The following ABCA10 variants were observed in gnomAD, a reference collection of about 807,000 sequenced individuals.
ABCA10 encodes ATP-binding cassette sub-family A member 10.
ABCA10 carries 169 observed loss-of-function variants against 187.5 expected under a neutral mutation model. The observed-to-expected ratio is 0.90, with a 90% CI of 0.80 to 1.02. The LOEUF is 1.02. ABCA10 is among the 50% of genes least tolerant of loss of function. The pLI, the probability that ABCA10 is intolerant of heterozygous loss-of-function variation, is 0.00. For missense variants in ABCA10, 1,727 were observed against 1,812.4 expected (o/e 0.95, Z 0.86); for synonymous variants, 574 against 601.8 (o/e 0.95, Z 0.68).
At chr17:69,243,534 A>T (rs2074919454) in intron 1 of ABCA10, among the ~76,000 whole-genome samples, 1 of 152,246 alleles carries the variant, frequency 6.6e-6, no homozygotes, top group East Asian at 1.9e-4. Flanking sequence ...TATGCAACAC[A>T]TTACTATATT....
Position 69,221,879 on chromosome 17 carries a change from C to T in ABCA10, c.216G>A (p.Met72Ile), listed in dbSNP as rs1411099160. The part of the protein sequence containing the change: ...HSEYTEHCWA[M>I]HGEIFCYLAK... Reference sequence around the variant, plus strand: ...CCAAGTAACAAAAAATTTCACCATGCATGGCCCAACAGTGTTCTTTAAGGA... The same window carrying T: ...CCAAGTAACAAAAAATTTCACCATGTATGGCCCAACAGTGTTCTTTAAGGA... Residue 72 changes from methionine to isoleucine, a missense_variant, in exon 5 of 39, where the codon ATG becomes ATA. Physicochemically the swap from Met to Ile is conservative, Grantham distance 10. Transcript: ENST00000690296. 1.2e-6 allele frequency: 2 copies of T among 1,612,690 alleles called. No homozygotes were observed.
At chr17:69,222,337 CAA>C (rs34320016) in intron 4 of ABCA10, among the ~76,000 whole-genome samples, 194 bp downstream of exon 4, 161 of 135,582 alleles carry the variant, frequency 1.2e-3, no homozygotes, top group Non-Finnish European at 1.3e-3. Context: ...GACTCCATCT[CAA>C]AAAAAAAAAA....
At chr17:69,150,133 A>C in intron 36 of ABCA10, 70 bp from the exon 37 acceptor site, 1 of 1,128,804 alleles carries the variant, frequency 8.9e-7, no homozygotes, top group Non-Finnish European at 1.3e-6. Flanking sequence ...ATTAATAGGC[A>C]AAGTAAAATA....
intron 6 of ABCA10, among the ~76,000 whole-genome samples, chr17:69,218,781 C>T (rs1375618901): frequency 2.0e-5 from 3 of 152,144 alleles, no homozygotes; most frequent in Non-Finnish European, 2.9e-5. Context: ...ATCCTGATAC[C>T]GTTTGATGAA....
chr17:69,197,035 G>A (rs113308682), intron 11 of ABCA10, 29 bp downstream of exon 11: 194 of 1,520,600 alleles, frequency 1.3e-4, no homozygotes, highest in Non-Finnish European at 1.6e-4. Flanking sequence ...AGAGGGAGAG[G>A]GAGAGGGAGA....
intron 9 of ABCA10, 73 bp from the exon 10 acceptor site, chr17:69,201,741 C>T (rs2074547323): frequency 2.5e-6 from 3 of 1,201,686 alleles, no homozygotes; most frequent in Non-Finnish European, 3.4e-6. Flanking sequence ...CTGTCCTTTA[C>T]TTGATATCAA....
At chr17:69,182,616 G>T in intron 21 of ABCA10, 59 bp downstream of exon 21, 1 of 1,502,662 alleles carries the variant, frequency 6.7e-7, no homozygotes, top group Non-Finnish European at 8.9e-7. Flanking sequence ...TAAGTATTAG[G>T]ACGTGGCAAA....
intron 11 of ABCA10, 101 bp downstream of exon 11, chr17:69,196,963 A>G: frequency 1.2e-6 from 1 of 821,026 alleles, no homozygotes; most frequent in Non-Finnish European, 1.8e-6. Flanking sequence ...AGATGGCGGC[A>G]CTACAGTCCA....
intron 18 of ABCA10, 138 bp from the exon 19 acceptor site, chr17:69,188,017 G>A (rs753263142): frequency 5.2e-5 from 39 of 747,898 alleles, no homozygotes; most frequent in Middle Eastern, 7.7e-4. Context: ...CAAAATTTAC[G>A]TTAAAAATCT....
chr17:69,205,610 C>A (rs1171351018), intron 9 of ABCA10, among the ~76,000 whole-genome samples: 1 of 152,186 alleles, frequency 6.6e-6, no homozygotes, highest in Non-Finnish European at 1.5e-5. Context: ...CTTGGCCAGT[C>A]ATGCAACTTC....
In ABCA10 at chr17:69,216,253, C is replaced by T; in HGVS notation, c.636G>A (p.Val212=). 6.2e-7 allele frequency: 1 copy of T among 1,613,536 alleles called. No individual in the cohort carries two copies. The highest frequency in any genetic ancestry group is 8.5e-7 in the Non-Finnish European group (1 of 1,179,762). Residue 212 remains valine, a synonymous_variant, in exon 7 of 39, where the codon GTG becomes GTA. Coordinates refer to ENST00000690296, the MANE Select transcript of ABCA10 (RefSeq NM_001377321.1). The part of the protein sequence containing the change: ...IPIVFHTGFM[V]IFTLYSLYGL... ...CATATAAGCTATAGAGTGTGAATAT[C>T]ACCATGAAGCCAGTATGAAATACAA...
intron 36 of ABCA10, 29 bp downstream of exon 36, chr17:69,152,014 T>C: frequency 3.8e-6 from 6 of 1,597,588 alleles, no homozygotes; most frequent in Non-Finnish European, 5.1e-6. Flanking sequence ...ACACTCATAC[T>C]TGTCACTCAA....
chr17:69,237,614 A>G (rs1042853506), intron 1 of ABCA10, among the ~76,000 whole-genome samples: 14 of 152,166 alleles, frequency 9.2e-5, no homozygotes, highest in African/African-American at 2.4e-4. Flanking sequence ...TTTATTTCCT[A>G]TCTTGACTGC....
At chr17:69,197,173 AAC>A (rs1440807257) in intron 10 of ABCA10, 51 bp from the exon 11 acceptor site, 3 of 1,384,386 alleles carry the variant, frequency 2.2e-6, no homozygotes, top group Middle Eastern at 1.8e-4. Context: ...TAGTATTAAT[AAC>A]ACAGATTACA....
chr17:69,210,917 A>G (rs953167465), intron 9 of ABCA10, among the ~76,000 whole-genome samples: 4 of 148,492 alleles, frequency 2.7e-5, no homozygotes, highest in African/African-American at 1.0e-4. Flanking sequence ...GGCTGGTCCC[A>G]TATTTTTGCA....
intron 10 of ABCA10, among the ~76,000 whole-genome samples, chr17:69,199,725 A>G (rs1300467566): frequency 1.3e-5 from 2 of 152,250 alleles, no homozygotes; most frequent in Non-Finnish European, 2.9e-5. Flanking sequence ...ATTAATATGG[A>G]TCAAACTCAT....
chr17:69,214,988 C>CA, intron 8 of ABCA10, 137 bp from the exon 9 acceptor site: 4 of 545,060 alleles, frequency 7.3e-6, no homozygotes, highest in African/African-American at 2.0e-5. Context: ...AGTAAATGTG[C>CA]TATTAGTATT....
chr17:69,153,954 T>C lies in ABCA10; in HGVS notation c.3842A>G (p.Lys1281Arg), dbSNP rs757521279. The change falls in exon 32 of 39, where the codon AAG (lysine) becomes AGG (arginine). Residue 1281 changes from lysine to arginine, a missense_variant. Lys to Arg is a conservative substitution (Grantham distance 26, BLOSUM62 2). Transcript: ENST00000690296. ...SVRQQHDNSL[K>R]FLGYCPQENS... ...CTCCTGAGGGCAGTACCCCAAGAAC[T>C]TGAGGCTGTTGTCATGCTGTTGCCT... The C allele has an allele frequency of 1.9e-6, 3 of 1,614,086 alleles. No homozygotes were observed. In the Admixed American group the frequency reaches 5.0e-5, roughly 27 times the overall value.
chr17:69,194,084 TG>T (rs1430380968), intron 12 of ABCA10, 95 bp from the exon 13 acceptor site: 1 of 1,224,060 alleles, frequency 8.2e-7, no homozygotes, highest in Non-Finnish European at 1.1e-6. Flanking sequence ...TCAAAAAACT[TG>T]TTTTTATTAA....
Sources: gnomAD v4.1 joint callset for allele counts (sites outside exome capture counted in the v4.1 genomes callset) on GRCh38, gnomAD v4.1.1 for gene constraint, MANE v1.5 for transcripts, NCBI Gene and HGNC (gene_info 2026-07-23, HGNC 2026-07-21) for gene names.